The following KIF13A variants were observed in gnomAD, a reference collection of about 807,000 sequenced individuals.
KIF13A encodes kinesin-like protein KIF13A.
In KIF13A, 79 loss-of-function variants were observed where a neutral mutation model predicts 212.2. That is an observed-to-expected ratio of 0.37 (90% confidence interval 0.31 to 0.45). The LOEUF (loss-of-function observed/expected upper bound fraction) is 0.45, where lower values mean the gene tolerates loss of function less well. KIF13A is among the 20% of genes least tolerant of loss of function. KIF13A has a pLI of 1.00. For synonymous variants in KIF13A, 789 were observed against 808.6 expected (o/e 0.98, Z 0.41); for missense variants, 1,901 against 2,209.0 (o/e 0.86, Z 2.79).
At chr6:17,760,714 A>C, downstream of KIF13A, 8 of 743,932 alleles carry the variant, frequency 1.1e-5, no homozygotes, top group African/African-American at 1.7e-5. Context: ...TGGCCCAGGA[A>C]GTGCACGGTG....
At chr6:17,935,105 T>C (rs1776346650) in intron 2 of KIF13A, among the ~76,000 whole-genome samples, 1 of 152,122 alleles carries the variant, frequency 6.6e-6, no homozygotes, top group African/African-American at 2.4e-5. Context: ...ACCATTTACC[T>C]GGGGAGGGGG....
rs1214696316 is a variant in KIF13A, at chr6:17,919,492, C to T, written c.147-21312G>A. ...TTCACATGGTGCTGAGAATAGTAAT[C>T]ACTCCTTTTCTCAGAGACTTCAACC... is the stretch of plus-strand genomic sequence containing the variant. On this transcript the variant is annotated intron_variant, in intron 2 of 38. Transcript: ENST00000259711. This position sits in a 1 kb window ranked among gnomAD's most constrained non-coding sequence, Gnocchi z 4.1. Among the ~76,000 whole-genome samples the T allele has an allele frequency of 6.6e-6, 1 of 151,846 alleles. No individual in the cohort carries two copies. Among genetic ancestry groups the T allele is most frequent in the Non-Finnish European group, 1.5e-5 (1 of 68,036 alleles).
chr6:17,987,353 A>T lies in KIF13A; in HGVS notation c.55+56T>A, dbSNP rs577255526. 4.9e-6 allele frequency: 6 copies of T among 1,219,184 alleles called. 1 individual carries two copies. In the East Asian group the frequency reaches 3.6e-4, roughly 74 times the overall value. The allele number at this position is 1,219,184 out of a possible 1,614,324, so 75.5% of individuals were successfully genotyped here. On this transcript the variant is annotated intron_variant, in intron 1 of 38. Coordinates refer to ENST00000259711, the MANE Select transcript of KIF13A (RefSeq NM_022113.6). The surrounding 1 kb of genome is among the most constrained non-coding windows in gnomAD (Gnocchi z 7.7). ...CGCCGTCCCGGCCCCGCAGTTTCTA[A>T]AGTTGCCCCCGCCCTCAGCCCGAGC...
intron 9 of KIF13A, among the ~76,000 whole-genome samples, chr6:17,848,532 GTTTTA>G (rs1217428548): frequency 6.0e-5 from 8 of 133,058 alleles, no homozygotes; most frequent in Middle Eastern, 8.0e-3. Flanking sequence ...GCACCATGCA[GTTTTA>G]TTTAATTAAA....
At position 17,825,397 on chromosome 6, in the gene KIF13A, A is replaced by G. The variant is rs148716970; in HGVS notation, c.1786+371T>C. Among the ~76,000 whole-genome samples the G allele has an allele frequency of 6.8e-4, 103 of 152,254 alleles. 1 individual carries two copies. In the East Asian group the frequency reaches 0.018, roughly 26 times the overall value. The stretch of plus-strand genomic sequence containing the variant: ...CATAGATTATATTTGAAATTCCTGA[A>G]TTTATATTCTGTTGGGGATTTTCAC... On this transcript the variant is annotated intron_variant, in intron 16 of 38. Transcript: ENST00000259711. The surrounding 1 kb of genome is among the most constrained non-coding windows in gnomAD (Gnocchi z 4.5).
In KIF13A at chr6:17,914,789, TA is replaced by T. The variant is rs1265110845; in HGVS notation, c.147-16610del. 2.6e-5 allele frequency among the ~76,000 whole-genome samples: 4 copies of T among 152,178 alleles called. No homozygotes were observed. Among genetic ancestry groups the T allele is most frequent in the Non-Finnish European group, 5.9e-5 (4 of 68,028 alleles). On this transcript the variant is annotated intron_variant, in intron 2 of 38. Transcript: ENST00000259711. This position sits in a 1 kb window ranked among gnomAD's most constrained non-coding sequence, Gnocchi z 5.9. ...GCCTAGTAAGAAACTCACCCTGCGT[TA>T]ACCAAAACAAAATTAAGCAGAGAAA...
At position 17,787,120 on chromosome 6, in the gene KIF13A, G is replaced by A. The variant is rs979377169; in HGVS notation, c.3361+656C>T. Among the ~76,000 whole-genome samples the A allele has an allele frequency of 6.6e-6, 1 of 152,210 alleles. No homozygotes were observed. The highest frequency in any genetic ancestry group is 1.5e-5 in the Non-Finnish European group (1 of 68,042). On this transcript the variant is annotated intron_variant, in intron 27 of 38. Transcript: ENST00000259711. The surrounding 1 kb of genome is among the most constrained non-coding windows in gnomAD (Gnocchi z 4.6). ...TGACCTGCTAAGCGGTTTGGTTTCA[G>A]AAGTGACCCTTCAGCTGCTGTATGT...
intron 2 of KIF13A, chr6:17,950,762 T>A: frequency 1.0e-6 from 1 of 981,006 alleles, no homozygotes; most frequent in Non-Finnish European, 1.2e-6. Flanking sequence ...ATAACCCTTA[T>A]CCACCCAACT....
At chr6:17,840,959 C>T (rs1262772369) in intron 9 of KIF13A, among the ~76,000 whole-genome samples, 1 of 152,096 alleles carries the variant, frequency 6.6e-6, no homozygotes, top group East Asian at 1.9e-4. Context: ...GTTAACAACT[C>T]TTAAAGGTGG....
chr6:17,800,594 G>A (rs544740597), intron 20 of KIF13A, among the ~76,000 whole-genome samples: 3 of 129,178 alleles, frequency 2.3e-5, no homozygotes, highest in South Asian at 3.0e-4. Context: ...GTGCTACCAC[G>A]CCCAGCTAAT....
Position 17,898,342 on chromosome 6 carries a change from A to G in KIF13A, c.147-162T>C, listed in dbSNP as rs1772759371. Among the ~76,000 whole-genome samples the G allele has an allele frequency of 6.6e-6, 1 of 152,218 alleles. No homozygotes were observed. Among genetic ancestry groups the G allele is most frequent in the Admixed American group, 6.5e-5 (1 of 15,280 alleles). On this transcript the variant is annotated intron_variant, in intron 2 of 38. Coordinates refer to ENST00000259711, the MANE Select transcript of KIF13A (RefSeq NM_022113.6). This position sits in a 1 kb window ranked among gnomAD's most constrained non-coding sequence, Gnocchi z 5.2. ...TCTTCTTCATGAAGATCAGAAGCCA[A>G]ATTCAAACACATTACTGAATGAAGT...
rs1419630584 is a variant in KIF13A, at chr6:17,773,328, A to G, written c.4324+150T>C. On this transcript the variant is annotated intron_variant, in intron 36 of 38. Transcript: ENST00000259711. The surrounding 1 kb of genome is among the most constrained non-coding windows in gnomAD (Gnocchi z 4.2). ...AAAATAAATCAAATAAGTGAATGTT[A>G]TATGTTACATTCAATAACAGTTTTG... The G allele has an allele frequency of 8.3e-6, 4 of 483,504 alleles. No homozygotes were observed. Among genetic ancestry groups the G allele is most frequent in the Admixed American group, 3.6e-5 (1 of 27,988 alleles). 30.0% of individuals were successfully genotyped at this position (483,504 alleles called of 1,614,324 possible). A position where few individuals can be genotyped will look rare whatever the true frequency, so the allele number is the denominator to read the frequency against.
chr6:17,952,508 G>A (rs543544729), intron 2 of KIF13A, among the ~76,000 whole-genome samples: 1 of 151,968 alleles, frequency 6.6e-6, no homozygotes, highest in East Asian at 1.9e-4. Context: ...TAGTGTGCTC[G>A]CATCTGTGGT....
chr6:17,858,313 A>C (rs1768359661), intron 4 of KIF13A, among the ~76,000 whole-genome samples: 1 of 152,204 alleles, frequency 6.6e-6, no homozygotes, highest in African/African-American at 2.4e-5. Flanking sequence ...GGGTGTAATC[A>C]GAAGAAACTT....
intron 2 of KIF13A, among the ~76,000 whole-genome samples, chr6:17,909,892 AAAAG>A (rs1773884109): frequency 6.6e-6 from 1 of 152,250 alleles, no homozygotes; most frequent in Non-Finnish European, 1.5e-5. Flanking sequence ...TCAAAACAAA[AAAAG>A]AGAGAGAGAG....
intron 2 of KIF13A, among the ~76,000 whole-genome samples, chr6:17,901,143 GGGA>G (rs1773032081): frequency 6.6e-6 from 1 of 151,224 alleles, no homozygotes; most frequent in Non-Finnish European, 1.5e-5. Flanking sequence ...TTTGAGTGCA[GGGA>G]AGAAAATTAT....
Position 17,763,909 on chromosome 6 carries a change from TA to T in KIF13A, c.*200del, listed in dbSNP as rs1344908369. The T allele has an allele frequency of 7.0e-7, 1 of 1,420,570 alleles. No individual in the cohort carries two copies. Among genetic ancestry groups the T allele is most frequent in the South Asian group, 1.6e-5 (1 of 64,404 alleles). The allele number at this position is 1,420,570 out of a possible 1,614,324, so 88.0% of individuals were successfully genotyped here. A position where few individuals can be genotyped will look rare whatever the true frequency, so the allele number is the denominator to read the frequency against. On this transcript the variant is annotated 3_prime_UTR_variant, in exon 39 of 39. Transcript: ENST00000259711. ...ATTCAACACCAACCCATGTGCCAGG[TA>T]AAAAAATCCACTGGTCTTATAATTT...
chr6:17,803,909 T>C (rs1762698262), intron 20 of KIF13A, among the ~76,000 whole-genome samples: 1 of 152,148 alleles, frequency 6.6e-6, no homozygotes, highest in African/African-American at 2.4e-5. Context: ...TCCCAGCACT[T>C]TGGGAAGCCG....
Position 17,776,438 on chromosome 6 carries a change from C to G in KIF13A, c.4170+839G>C, listed in dbSNP as rs1759988836. Among the ~76,000 whole-genome samples the G allele has an allele frequency of 6.6e-6, 1 of 152,172 alleles. No individual in the cohort carries two copies. The highest frequency in any genetic ancestry group is 1.5e-5 in the Non-Finnish European group (1 of 68,024). On this transcript the variant is annotated intron_variant, in intron 34 of 38. Transcript: ENST00000259711. This position sits in a 1 kb window ranked among gnomAD's most constrained non-coding sequence, Gnocchi z 4.6. ...ATCCTAATTTCCATCATAATTTCTT[C>G]TTTGAGAAATGAGTTCATGAAAAGC...
Sources: allele counts gnomAD v4.1 joint callset (sites outside exome capture counted in the v4.1 genomes callset), GRCh38; gene constraint gnomAD v4.1.1; non-coding constraint Gnocchi (gnomAD v3.1); transcripts MANE v1.5; gene names NCBI Gene and HGNC (gene_info 2026-07-23, HGNC 2026-07-21).